PRIM2: variants seen among roughly 807,000 people sequenced by gnomAD.
PRIM2 encodes DNA primase large subunit.
Under a neutral mutation model 67.3 loss-of-function variants are expected in PRIM2, and 39 were observed. That is an observed-to-expected ratio of 0.58 (90% confidence interval 0.45 to 0.76). PRIM2 has a LOEUF of 0.76. Among genes scored for constraint, PRIM2 ranks in the 30% least tolerant of loss-of-function variants. PRIM2 has a pLI of 0.00. For synonymous variants in PRIM2, 143 were observed against 198.7 expected (o/e 0.72, Z 2.36); for missense variants, 398 against 598.7 (o/e 0.66, Z 3.50).
Position 57,414,727 on chromosome 6 carries a change from T to TA in PRIM2, c.693+32560dup, listed in dbSNP as rs547256187. Reference sequence around the variant, plus strand: ...ATTGCCTATCAGCCTGCTGGACTGTTATGTATTGGATATTTCTGACACAGC... The same window carrying TA: ...ATTGCCTATCAGCCTGCTGGACTGTTAATGTATTGGATATTTCTGACACAGC... On this transcript the variant is annotated intron_variant, in intron 7 of 13. Coordinates refer to ENST00000615550, the MANE Select transcript of PRIM2 (RefSeq NM_000947.5). Among the ~76,000 whole-genome samples the TA allele has an allele frequency of 1.3e-3, 200 of 152,282 alleles. 2 individuals are homozygous for TA. Among genetic ancestry groups the TA allele is most frequent in the Non-Finnish European group, 2.4e-3 (165 of 67,998 alleles).
intron 7 of PRIM2, among the ~76,000 whole-genome samples, chr6:57,490,715 T>TG (rs1773868790): frequency 6.6e-6 from 1 of 152,158 alleles, no homozygotes; most frequent in African/African-American, 2.4e-5. Context: ...TTGTTGAACT[T>TG]GAATATCATG....
Position 57,418,573 on chromosome 6 carries a change from G to A in PRIM2, c.693+36405G>A, listed in dbSNP as rs1292926174. The stretch of plus-strand genomic sequence containing the variant: ...CACCACGCCCAGCTAATTTTTTTTT[G>A]ATATTTTTAGTATAGATGGGGTTTC... On this transcript the variant is annotated intron_variant, in intron 7 of 13. Transcript: ENST00000615550. 2.0e-5 allele frequency among the ~76,000 whole-genome samples: 3 copies of A among 149,052 alleles called. No homozygotes were observed. In the East Asian group the frequency reaches 5.9e-4, roughly 29 times the overall value.
the PRIM2 span, among the ~76,000 whole-genome samples, chr6:57,281,191 A>G: frequency 2.0e-5 from 3 of 152,142 alleles, no homozygotes; most frequent in African/African-American, 7.2e-5. Context: ...TCTTTTATCT[A>G]TTCATCCATT....
At chr6:57,572,530 C>A (rs1480190586) in intron 10 of PRIM2, among the ~76,000 whole-genome samples, 1 of 152,146 alleles carries the variant, frequency 6.6e-6, no homozygotes, top group South Asian at 2.1e-4. Flanking sequence ...AGATAATAAT[C>A]CTCTGAATCT....
At chr6:57,612,793 CT>C (rs1286246615) in intron 12 of PRIM2, among the ~76,000 whole-genome samples, 2,363 of 131,066 alleles carry the variant, frequency 0.018, 37 homozygotes, top group African/African-American at 0.05. Context: ...TTCTTTTCGC[CT>C]TTTTTTTTTT....
intron 12 of PRIM2, among the ~76,000 whole-genome samples, chr6:57,617,532 G>A (rs1776776916): frequency 6.6e-6 from 1 of 152,102 alleles, no homozygotes; most frequent in African/African-American, 2.4e-5. Context: ...CTTTTTATAT[G>A]CTTTTTGGCC....
the PRIM2 span, among the ~76,000 whole-genome samples, chr6:57,294,627 A>G: frequency 6.6e-6 from 1 of 151,314 alleles, no homozygotes; most frequent in Non-Finnish European, 1.5e-5. Flanking sequence ...GTATAAATAT[A>G]TACATATATA....
chr6:57,350,742 CACAG>C (rs1768833873), intron 5 of PRIM2, among the ~76,000 whole-genome samples: 1 of 152,104 alleles, frequency 6.6e-6, no homozygotes. Context: ...CCAGCTTGAA[CACAG>C]ACATAGGCCC....
chr6:57,253,795 C>G, the PRIM2 span, among the ~76,000 whole-genome samples: 1 of 152,216 alleles, frequency 6.6e-6, no homozygotes, highest in African/African-American at 2.4e-5. Flanking sequence ...AGGGCTGCCT[C>G]TGAAACCCTT....
chr6:57,538,775 T>C (rs1231673309), intron 10 of PRIM2, among the ~76,000 whole-genome samples: 1 of 152,204 alleles, frequency 6.6e-6, no homozygotes, highest in Admixed American at 6.5e-5. Context: ...CATGTGGCCT[T>C]CTTCTTGCTT....
rs1340870850 is a variant in PRIM2, at chr6:57,638,498, G to A, written c.1299+6297G>A. 3.4e-5 allele frequency among the ~76,000 whole-genome samples: 5 copies of A among 148,314 alleles called. No individual in the cohort carries two copies. In the East Asian group the frequency reaches 1.0e-3, roughly 30 times the overall value. ...AAGACCCATCGGTGTGCTGTATTCA[G>A]GAGACCATTTCACAGGCAAAGACAC... On this transcript the variant is annotated intron_variant, in intron 13 of 13. Coordinates refer to ENST00000615550, the MANE Select transcript of PRIM2 (RefSeq NM_000947.5).
At chr6:57,500,680 A>G (rs1774113062) in intron 7 of PRIM2, among the ~76,000 whole-genome samples, 2 of 152,366 alleles carry the variant, frequency 1.3e-5, no homozygotes, top group South Asian at 4.1e-4. Flanking sequence ...CTGGAAAGAT[A>G]TTTAACATTC....
intron 10 of PRIM2, among the ~76,000 whole-genome samples, chr6:57,543,171 C>T (rs1338819856): frequency 6.6e-6 from 1 of 151,116 alleles, no homozygotes; most frequent in East Asian, 1.9e-4. Flanking sequence ...GATCTCCTGA[C>T]CTCGTGATCC....
the PRIM2 span, among the ~76,000 whole-genome samples, chr6:57,239,347 A>G: frequency 6.6e-6 from 1 of 152,122 alleles, no homozygotes; most frequent in Admixed American, 6.5e-5. Flanking sequence ...GTATCATGCT[A>G]TTTAATGTCT....
chr6:57,233,523 G>A, the PRIM2 span, among the ~76,000 whole-genome samples: 11 of 151,994 alleles, frequency 7.2e-5, no homozygotes, highest in Non-Finnish European at 1.3e-4. Context: ...TACCCTCTCC[G>A]TATGCACTTA....
intron 5 of PRIM2, among the ~76,000 whole-genome samples, chr6:57,354,072 T>G (rs1322301873): frequency 6.6e-6 from 1 of 152,240 alleles, no homozygotes; most frequent in Non-Finnish European, 1.5e-5. Flanking sequence ...CAAAGAAGGT[T>G]GACAAGCTAC....
intron 7 of PRIM2, among the ~76,000 whole-genome samples, chr6:57,398,637 G>C (rs372707021): frequency 6.6e-6 from 1 of 152,312 alleles, no homozygotes; most frequent in Admixed American, 6.5e-5. Flanking sequence ...TTTGGATGGA[G>C]AGTTCTGTAG....
chr6:57,402,948 TGTTTTA>T (rs1389873096), intron 7 of PRIM2, among the ~76,000 whole-genome samples: 1 of 152,146 alleles, frequency 6.6e-6, no homozygotes, highest in Non-Finnish European at 1.5e-5. Context: ...GTTGGAGATG[TGTTTTA>T]GCAATAGGGA....
the PRIM2 span, among the ~76,000 whole-genome samples, chr6:57,257,139 C>T: frequency 2.1e-4 from 32 of 152,136 alleles, no homozygotes; most frequent in Non-Finnish European, 4.1e-4. Context: ...AAGAGTTCTC[C>T]TTGAAGATTT....
Sources: gnomAD v4.1 joint callset for allele counts (sites outside exome capture counted in the v4.1 genomes callset) on GRCh38, gnomAD v4.1.1 for gene constraint, MANE v1.5 for transcripts, NCBI Gene and HGNC (gene_info 2026-07-23, HGNC 2026-07-21) for gene names.